Variants in MROH9 observed in about 807,000 individuals in gnomAD.
MROH9 encodes the protein maestro heat like repeat family member 9.
MROH9 carries 92 observed loss-of-function variants against 98.2 expected under a neutral mutation model. The observed-to-expected ratio is 0.94, with a 90% CI of 0.79 to 1.11. The LOEUF is 1.11. Among genes scored for constraint, MROH9 ranks in the 50% most tolerant of loss-of-function variants. MROH9 has a pLI of 0.00. For synonymous variants in MROH9, 397 were observed against 368.9 expected, an observed-to-expected ratio of 1.08 and a Z score of -0.87; for missense variants, 1,057 against 1,014.8, an observed-to-expected ratio of 1.04 and a Z score of -0.57.
At chr1:170,970,731 T>TGTGTGTGAGAGA (rs1491154307) in intron 7 of MROH9, among the ~76,000 whole-genome samples, 75 of 90,852 alleles carry the variant, frequency 8.3e-4, no homozygotes, top group South Asian at 3.4e-3. Flanking sequence ...TGTGTGTGTG[T>TGTGTGTGAGAGA]GAGAGAGAGA....
intron 7 of MROH9, among the ~76,000 whole-genome samples, chr1:170,970,193 A>T (rs1650387860): frequency 6.6e-6 from 1 of 152,182 alleles, no homozygotes; most frequent in Non-Finnish European, 1.5e-5. Context: ...AGCAGGGATA[A>T]TCAGAGAGGA....
At chr1:171,047,059 T>G (rs1284992775) in intron 20 of MROH9, among the ~76,000 whole-genome samples, 1 of 152,218 alleles carries the variant, frequency 6.6e-6, no homozygotes, top group African/African-American at 2.4e-5. Context: ...TTGTATATTA[T>G]GTGTTTCTTT....
At chr1:171,059,117 G>A (rs191177019) in intron 20 of MROH9, among the ~76,000 whole-genome samples, 8 of 151,594 alleles carry the variant, frequency 5.3e-5, no homozygotes, top group Admixed American at 5.3e-4. Context: ...ATCCAGAATC[G>A]ACAAGAAACT....
Position 170,945,554 on chromosome 1 carries a change from A to C in MROH9, c.-3A>C. On this transcript the variant is annotated 5_prime_UTR_variant, in exon 2 of 22. Transcript: ENST00000367759. ...TAGAAGACTTTAATACACCTCTGTC[A>C]GCATGTTGACAAGGAATCCAAAAAC... is the stretch of plus-strand genomic sequence containing the variant. 6.2e-7 allele frequency: 1 copy of C among 1,612,146 alleles called. No individual in the cohort carries two copies. The highest frequency in any genetic ancestry group is 1.1e-5 in the South Asian group (1 of 90,976).
At chr1:170,941,464 A>C (rs1327425646) in intron 1 of MROH9, among the ~76,000 whole-genome samples, 1 of 151,988 alleles carries the variant, frequency 6.6e-6, no homozygotes, top group African/African-American at 2.4e-5. Flanking sequence ...CAAATCAAAT[A>C]AGAATTTAAT....
intron 7 of MROH9, among the ~76,000 whole-genome samples, chr1:170,971,321 G>C (rs916383557): frequency 1.1e-4 from 16 of 152,188 alleles, no homozygotes; most frequent in Non-Finnish European, 1.2e-4. Context: ...TCAGTGACTT[G>C]TAGAAACATC....
intron 20 of MROH9, among the ~76,000 whole-genome samples, chr1:171,047,200 A>G (rs896639491): frequency 1.3e-5 from 2 of 152,164 alleles, no homozygotes; most frequent in Non-Finnish European, 2.9e-5. Flanking sequence ...ACTTGGATAT[A>G]GATATCTTTC....
At chr1:171,012,642 A>C (rs1652194743) in intron 15 of MROH9, among the ~76,000 whole-genome samples, 1 of 151,630 alleles carries the variant, frequency 6.6e-6, no homozygotes, top group Non-Finnish European at 1.5e-5. Context: ...AGCTGGGACT[A>C]CAGGTGCCTG....
chr1:171,063,894 A>G (rs1231187785), intron 21 of MROH9, among the ~76,000 whole-genome samples: 1 of 152,134 alleles, frequency 6.6e-6, no homozygotes, highest in East Asian at 1.9e-4. Flanking sequence ...TTTTCTTTTA[A>G]TGGGGTCTAT....
intron 15 of MROH9, among the ~76,000 whole-genome samples, chr1:171,004,683 G>A (rs1047281367): frequency 2.0e-5 from 3 of 152,088 alleles, no homozygotes; most frequent in Non-Finnish European, 4.4e-5. Flanking sequence ...GTTTGTCCTT[G>A]CAATCAATCT....
At chr1:170,945,909 A>T (rs1649314298) in intron 2 of MROH9, among the ~76,000 whole-genome samples, 1 of 152,088 alleles carries the variant, frequency 6.6e-6, no homozygotes, top group Admixed American at 6.6e-5. Flanking sequence ...ACAATTCTTG[A>T]GTCAAAGAGG....
chr1:170,961,799 TA>T lies in MROH9; in HGVS notation c.289-87del, dbSNP rs760958644. ...TATGTTCAAGGAATTGAAACCCAGT[TA>T]AAAGTAACTTTTAAGCAAGAAAAAA... On this transcript the variant is annotated intron_variant, in intron 5 of 21. Transcript: ENST00000367759. The T allele has an allele frequency of 1.1e-3, 598 of 528,392 alleles. 2 individuals carry two copies. The highest frequency in any genetic ancestry group is 1.7e-3 in the Non-Finnish European group (539 of 311,026). 32.7% of individuals were successfully genotyped at this position (528,392 alleles called of 1,614,324 possible).
At chr1:170,992,623 T>C (rs143383471) in intron 12 of MROH9, among the ~76,000 whole-genome samples, 44 of 152,228 alleles carry the variant, frequency 2.9e-4, no homozygotes, top group African/African-American at 9.9e-4. Context: ...AAGGTTTAGG[T>C]AAGTTGGTCA....
chr1:171,054,532 G>A (rs1457038030), intron 20 of MROH9, among the ~76,000 whole-genome samples: 1 of 151,956 alleles, frequency 6.6e-6, no homozygotes, highest in Non-Finnish European at 1.5e-5. Flanking sequence ...TAAACAGATG[G>A]GACTTAACTA....
At chr1:171,010,881 C>T (rs1652126930) in intron 15 of MROH9, among the ~76,000 whole-genome samples, 1 of 152,022 alleles carries the variant, frequency 6.6e-6, no homozygotes, top group Admixed American at 6.5e-5. Flanking sequence ...AAATTTCTCC[C>T]ATTCTGTAGG....
chr1:171,018,913 A>T (rs1413813882), intron 17 of MROH9, among the ~76,000 whole-genome samples: 4 of 152,196 alleles, frequency 2.6e-5, no homozygotes, highest in Non-Finnish European at 5.9e-5. Context: ...GATCAACAAG[A>T]CAGCAAATTA....
In MROH9 at chr1:170,972,829, T is replaced by TACACACACACAC. The variant is rs3980699; in HGVS notation, c.616+966_616+977dup. Among the ~76,000 whole-genome samples the TACACACACACAC allele has an allele frequency of 5.5e-4, 71 of 128,674 alleles. 1 individual carries two copies. The highest frequency in any genetic ancestry group is 4.0e-3 in the East Asian group (17 of 4,214). 84.4% of individuals were successfully genotyped at this position (128,674 alleles called of 152,430 possible). A position where few individuals can be genotyped will look rare whatever the true frequency, so the allele number is the denominator to read the frequency against. On this transcript the variant is annotated intron_variant, in intron 8 of 21. Coordinates refer to ENST00000367759, the MANE Select transcript of MROH9 (RefSeq NM_001163629.2). ...TCCGCCTCAAAAAAAAAAAAAAAAA[T>TACACACACACAC]ACACACACACACACACACACACACA...
intron 9 of MROH9, 67 bp downstream of exon 9, chr1:170,983,601 A>C (rs1651015901): frequency 3.3e-6 from 3 of 920,288 alleles, no homozygotes; most frequent in Non-Finnish European, 5.1e-6. Context: ...GTAACAATTT[A>C]TTTCAACAAA....
intron 17 of MROH9, among the ~76,000 whole-genome samples, chr1:171,023,475 A>G (rs77065575): frequency 0.043 from 6,617 of 152,152 alleles, 476 homozygotes; most frequent in African/African-American, 0.15. Context: ...TATACATACT[A>G]TTTCAGTTTA....
Sources: gnomAD v4.1 joint callset for allele counts (sites outside exome capture counted in the v4.1 genomes callset) on GRCh38, gnomAD v4.1.1 for gene constraint, MANE v1.5 for transcripts, NCBI Gene and HGNC (gene_info 2026-07-23, HGNC 2026-07-21) for gene names.